Variants in RIMS1 observed in about 807,000 individuals in gnomAD.
The protein encoded by RIMS1 is regulating synaptic membrane exocytosis protein 1.
A neutral mutation model predicts 214.1 loss-of-function variants in RIMS1; 83 were observed. The ratio of observed to expected loss-of-function variants is 0.39; its 90% CI spans 0.32 to 0.47. The LOEUF (loss-of-function observed/expected upper bound fraction) is 0.47, where lower values mean the gene tolerates loss of function less well. Among genes scored for constraint, RIMS1 ranks in the 20% least tolerant of loss-of-function variants. RIMS1 has a pLI of 0.99. For missense variants in RIMS1, 2,050 were observed against 2,161.8 expected, an observed-to-expected ratio of 0.95 and a Z score of 1.03; for synonymous variants, 793 against 786.8, an observed-to-expected ratio of 1.01 and a Z score of -0.13.
At chr6:72,152,172 G>A (rs906743488) in intron 4 of RIMS1, among the ~76,000 whole-genome samples, 3 of 152,040 alleles carry the variant, frequency 2.0e-5, no homozygotes, top group Non-Finnish European at 2.9e-5. Context: ...ATATCACATG[G>A]GTTGGATGCG....
intron 2 of RIMS1, among the ~76,000 whole-genome samples, chr6:72,007,220 G>C (rs977550220): frequency 6.6e-6 from 1 of 152,224 alleles, no homozygotes; most frequent in African/African-American, 2.4e-5. Flanking sequence ...ACAGGGTCTG[G>C]AGTGGACCTC....
chr6:71,979,188 AAGT>A (rs1003054847), intron 2 of RIMS1, among the ~76,000 whole-genome samples: 6 of 152,044 alleles, frequency 3.9e-5, no homozygotes, highest in African/African-American at 1.2e-4. Context: ...AGTAGAACTT[AAGT>A]AGTTCTACTA....
intron 6 of RIMS1, among the ~76,000 whole-genome samples, chr6:72,230,925 G>T (rs908690926): frequency 1.5e-4 from 23 of 151,460 alleles, no homozygotes; most frequent in African/African-American, 5.1e-4. Flanking sequence ...CTAAATTAAT[G>T]GTAATAGTGA....
intron 2 of RIMS1, among the ~76,000 whole-genome samples, chr6:72,018,753 A>T (rs748513071): frequency 2.0e-5 from 3 of 152,198 alleles, no homozygotes; most frequent in Non-Finnish European, 2.9e-5. Flanking sequence ...CTCAAGGAAG[A>T]CAGTGAGCAG....
chr6:71,889,686 TGG>T (rs1227650891), intron 1 of RIMS1, among the ~76,000 whole-genome samples: 6 of 152,182 alleles, frequency 3.9e-5, no homozygotes, highest in Non-Finnish European at 8.8e-5. Flanking sequence ...TCTTAAAAAC[TGG>T]GGATAATGGG....
intron 26 of RIMS1, among the ~76,000 whole-genome samples, chr6:72,306,037 T>G (rs2095122516): frequency 1.3e-5 from 2 of 152,146 alleles, no homozygotes; most frequent in South Asian, 4.1e-4. Context: ...GTTGGCGTTT[T>G]ATAATCAAGG....
chr6:72,398,235 C>T lies in RIMS1; in HGVS notation c.4619-14C>T. On this transcript the variant is annotated splice_polypyrimidine_tract_variant and intron_variant, in intron 31 of 33. Coordinates refer to ENST00000521978, the MANE Select transcript of RIMS1 (RefSeq NM_014989.7). ...AAAGAAGCTGAAACACATCTTGCTCCTTTCCATTTGCAGGTGATATACAAA... is the reference window on the plus strand; with the variant it reads ...AAAGAAGCTGAAACACATCTTGCTCTTTTCCATTTGCAGGTGATATACAAA... 1.3e-6 allele frequency: 2 copies of T among 1,546,124 alleles called. No individual in the cohort carries two copies. The highest frequency in any genetic ancestry group is 8.9e-7 in the Non-Finnish European group (1 of 1,125,636).
chr6:72,400,759 A>G lies in RIMS1; in HGVS notation c.*45A>G. On this transcript the variant is annotated 3_prime_UTR_variant, in exon 34 of 34. Transcript: ENST00000521978. ...TTCCAATAAAACTCTACTTTTCAGG[A>G]TAATAATCTGAACCAGATATTTCAT... is the stretch of plus-strand genomic sequence containing the variant. 1.1e-5 allele frequency: 15 copies of G among 1,397,068 alleles called. No individual in the cohort carries two copies. Among genetic ancestry groups the G allele is most frequent in the Non-Finnish European group, 1.5e-5 (15 of 996,232 alleles). The allele number at this position is 1,397,068 out of a possible 1,614,324, so 86.5% of individuals were successfully genotyped here. A position where few individuals can be genotyped will look rare whatever the true frequency, so the allele number is the denominator to read the frequency against.
chr6:72,362,925 C>A (rs2097872283), intron 29 of RIMS1, among the ~76,000 whole-genome samples: 1 of 152,164 alleles, frequency 6.6e-6, no homozygotes, highest in South Asian at 2.1e-4. Context: ...ACATGCCAGG[C>A]ACTATGCTGG....
intron 2 of RIMS1, among the ~76,000 whole-genome samples, chr6:72,043,401 G>A (rs1022439377): frequency 6.6e-6 from 1 of 151,780 alleles, no homozygotes; most frequent in Non-Finnish European, 1.5e-5. Flanking sequence ...TTTATGTTTT[G>A]TATGGACTGT....
intron 29 of RIMS1, among the ~76,000 whole-genome samples, chr6:72,338,961 T>A (rs896369480): frequency 2.0e-5 from 3 of 151,814 alleles, no homozygotes; most frequent in Non-Finnish European, 4.4e-5. Flanking sequence ...GGTTAGTACA[T>A]GCTAGGCATC....
chr6:72,213,565 T>A (rs1379335568), intron 6 of RIMS1, among the ~76,000 whole-genome samples: 1 of 152,196 alleles, frequency 6.6e-6, no homozygotes, highest in African/African-American at 2.4e-5. Context: ...GGCTACCTAA[T>A]TGTGCATGGG....
intron 2 of RIMS1, among the ~76,000 whole-genome samples, chr6:71,976,411 C>A (rs1583937707): frequency 6.6e-6 from 1 of 151,956 alleles, no homozygotes; most frequent in Non-Finnish European, 1.5e-5. Context: ...ATTGGGTTTT[C>A]TCTAAGGATG....
At chr6:72,247,706 ACAGG>A (rs2070846495) in intron 11 of RIMS1, among the ~76,000 whole-genome samples, 1 of 152,158 alleles carries the variant, frequency 6.6e-6, no homozygotes, top group South Asian at 2.1e-4. Flanking sequence ...ATTAGTGTTA[ACAGG>A]CACTATCTTC....
At chr6:72,239,406 G>A (rs894826371) in intron 9 of RIMS1, among the ~76,000 whole-genome samples, 1 of 152,094 alleles carries the variant, frequency 6.6e-6, no homozygotes, top group Non-Finnish European at 1.5e-5. Context: ...AAACAGACAA[G>A]TGTACTTTTC....
In RIMS1 at chr6:72,008,836, GA is replaced by G. The variant is rs777123689; in HGVS notation, c.245+39774del. Among the ~76,000 whole-genome samples, 540 of 152,230 alleles carry G rather than the reference GA, an allele frequency of 3.5e-3. 2 individuals are homozygous for G. The highest frequency in any genetic ancestry group is 5.6e-3 in the Non-Finnish European group (381 of 68,028). ...CAGATTCATAAAGCAAGTCCTTAGA[GA>G]CCTACAAAGAGACTTAGACTCCCAC... is the stretch of plus-strand genomic sequence containing the variant. On this transcript the variant is annotated intron_variant, in intron 2 of 33. Coordinates refer to ENST00000521978, the MANE Select transcript of RIMS1 (RefSeq NM_014989.7).
chr6:72,366,243 T>A (rs1201438161), intron 29 of RIMS1, among the ~76,000 whole-genome samples: 1 of 152,234 alleles, frequency 6.6e-6, no homozygotes, highest in Non-Finnish European at 1.5e-5. Context: ...TTGAAAGTGA[T>A]AATTTTGACA....
At chr6:72,305,743 T>C (rs1303107128) in intron 26 of RIMS1, among the ~76,000 whole-genome samples, 1 of 152,156 alleles carries the variant, frequency 6.6e-6, no homozygotes, top group Non-Finnish European at 1.5e-5. Flanking sequence ...TCCATTGAAC[T>C]ATCCTGTAAT....
intron 26 of RIMS1, among the ~76,000 whole-genome samples, chr6:72,305,202 G>A (rs1204981084): frequency 6.6e-6 from 1 of 151,980 alleles, no homozygotes; most frequent in Non-Finnish European, 1.5e-5. Context: ...TCCTAGCAAG[G>A]TTCAGTCCCT....
Sources: gnomAD v4.1 joint callset for allele counts (sites outside exome capture counted in the v4.1 genomes callset) on GRCh38, gnomAD v4.1.1 for gene constraint, MANE v1.5 for transcripts, NCBI Gene and HGNC (gene_info 2026-07-23, HGNC 2026-07-21) for gene names.